Variants in RPAP3 observed in about 807,000 individuals in gnomAD.
The protein encoded by RPAP3 is RNA polymerase II-associated protein 3.
A neutral mutation model predicts 88.8 loss-of-function variants in RPAP3; 58 were observed. The ratio of observed to expected loss-of-function variants is 0.65; its 90% CI spans 0.53 to 0.81. RPAP3 has a LOEUF of 0.81. Among genes scored for constraint, RPAP3 ranks in the 40% least tolerant of loss-of-function variants. RPAP3 has a pLI of 0.00. For missense variants in RPAP3, 751 were observed against 764.3 expected (o/e 0.98, Z 0.20); for synonymous variants, 255 against 259.9 (o/e 0.98, Z 0.18).
chr12:47,702,787 T>C lies in RPAP3; in HGVS notation c.54A>G (p.Ala18=), dbSNP rs771209543. 3 of 1,613,318 alleles carry C rather than the reference T, an allele frequency of 1.9e-6. No individual in the cohort carries two copies. Among genetic ancestry groups the C allele is most frequent in the South Asian group, 2.2e-5 (2 of 90,928 alleles). ...CCCGCATAAAGTCTTGTAATTCTTC[T>C]GCATTTTGTTTCACTTGTAGTTGTA... The part of the protein sequence containing the change: ...IELQLQVKQN[A]EELQDFMRDL... The change falls in exon 2 of 17, where the codon GCA becomes GCG. Residue 18 remains alanine, a synonymous_variant. Transcript: ENST00000005386.
intron 3 of RPAP3, chr12:47,699,587 TTGACAG>T (rs1939614734): frequency 6.6e-6 from 1 of 152,230 alleles, no homozygotes; most frequent in Non-Finnish European, 1.5e-5. Flanking sequence ...GGAAAACTGT[TTGACAG>T]TATTTTCTAA....
At chr12:47,701,852 C>A (rs1220351605) in intron 2 of RPAP3, among the ~76,000 whole-genome samples, 1 of 152,136 alleles carries the variant, frequency 6.6e-6, no homozygotes, top group African/African-American at 2.4e-5. Flanking sequence ...CTAATTATAC[C>A]TTTAATTTGC....
chr12:47,701,615 A>T lies in RPAP3; in HGVS notation c.154-11T>A. The stretch of plus-strand genomic sequence containing the variant: ...AATAGGAGGTAAATTCTAAGGAGGG[A>T]AAAAAAAACACAAAGTTGTGAGTAT... On this transcript the variant is annotated splice_polypyrimidine_tract_variant and intron_variant, in intron 2 of 16. Coordinates refer to ENST00000005386, the MANE Select transcript of RPAP3 (RefSeq NM_024604.3). The T allele has an allele frequency of 6.5e-7, 1 of 1,537,598 alleles. No individual in the cohort carries two copies. Among genetic ancestry groups the T allele is most frequent in the Non-Finnish European group, 8.7e-7 (1 of 1,143,614 alleles).
At chr12:47,704,152 A>G (rs1197755892) in intron 1 of RPAP3, among the ~76,000 whole-genome samples, 1 of 152,182 alleles carries the variant, frequency 6.6e-6, no homozygotes, top group African/African-American at 2.4e-5. Context: ...CATTGTGACA[A>G]CTGGGGAATG....
At chr12:47,691,534 C>T (rs994787644) in intron 5 of RPAP3, among the ~76,000 whole-genome samples, 3 of 152,154 alleles carry the variant, frequency 2.0e-5, no homozygotes, top group Admixed American at 1.3e-4. Context: ...TCCAGATCCA[C>T]TAGAGGAATC....
chr12:47,684,810 T>C (rs1043876726), intron 9 of RPAP3, among the ~76,000 whole-genome samples: 2 of 152,150 alleles, frequency 1.3e-5, no homozygotes, highest in African/African-American at 4.8e-5. Flanking sequence ...AAAATCAAAA[T>C]TTTCATAAGT....
At chr12:47,672,341 C>T (rs1939016098) in intron 12 of RPAP3, among the ~76,000 whole-genome samples, 1 of 152,196 alleles carries the variant, frequency 6.6e-6, no homozygotes, top group African/African-American at 2.4e-5. Context: ...CGTAGTCTTC[C>T]TTTCTTTCCT....
rs771417626 is a variant in RPAP3, at chr12:47,670,170, G to T, written c.1463C>A (p.Thr488Lys). The T allele has an allele frequency of 6.2e-6, 10 of 1,613,834 alleles. No homozygotes were observed. The highest frequency in any genetic ancestry group is 7.6e-6 in the Non-Finnish European group (9 of 1,179,890). Residue 488 changes from threonine (T) to lysine (K), a missense_variant, in exon 13 of 17, where the codon ACA becomes AAA. Transcript: ENST00000005386. The stretch of plus-strand genomic sequence containing the variant: ...TACTTTTGCTCTTGGAGTATCACTT[G>T]TGGGAAAAAGGTCATCTTGGCTTGA... ...KNSSQDDLFP[T>K]SDTPRAKVLK... is the part of the protein sequence containing the mutation.
chr12:47,668,461 T>A (rs1329432886), intron 14 of RPAP3, among the ~76,000 whole-genome samples: 1 of 152,190 alleles, frequency 6.6e-6, no homozygotes, highest in Non-Finnish European at 1.5e-5. Flanking sequence ...TGGAAGTAAT[T>A]TTATATTGCA....
At chr12:47,689,246 AAACATGT>A (rs761449056) in intron 6 of RPAP3, 51 bp from the exon 7 acceptor site, 1 of 725,716 alleles carries the variant, frequency 1.4e-6, no homozygotes, top group East Asian at 2.8e-5. Flanking sequence ...TAATATTTTA[AAACATGT>A]ACAAAACAAT....
chr12:47,674,562 T>C, intron 12 of RPAP3, among the ~76,000 whole-genome samples: 1 of 152,244 alleles, frequency 6.6e-6, no homozygotes, highest in East Asian at 1.9e-4. Flanking sequence ...AAATGACTGA[T>C]GGAACTGAAA....
chr12:47,667,084 A>C lies in RPAP3; in HGVS notation c.1812-4T>G, dbSNP rs1192445720. The stretch of plus-strand genomic sequence containing the variant: ...GATGAGTAATGGCTTTTCTTTCCTG[A>C]AATAATCCAAATATAGAAACAAATG... On this transcript the variant is annotated splice_region_variant and splice_polypyrimidine_tract_variant and intron_variant, in intron 15 of 16. Transcript: ENST00000005386. 23 of 1,280,146 alleles carry C rather than the reference A, an allele frequency of 1.8e-5. No individual in the cohort carries two copies. The highest frequency in any genetic ancestry group is 2.2e-5 in the Non-Finnish European group (21 of 947,606). 79.3% of individuals were successfully genotyped at this position (1,280,146 alleles called of 1,614,324 possible).
chr12:47,694,315 G>A (rs540740884), intron 5 of RPAP3, among the ~76,000 whole-genome samples: 106 of 152,270 alleles, frequency 7.0e-4, no homozygotes, highest in African/African-American at 2.4e-3. Flanking sequence ...GCAGATCCAC[G>A]GGGGAAAGTA....
intron 12 of RPAP3, among the ~76,000 whole-genome samples, chr12:47,675,836 C>T (rs933319975): frequency 5.9e-5 from 9 of 152,148 alleles, no homozygotes; most frequent in East Asian, 5.8e-4. Flanking sequence ...GACAGATCAA[C>T]GAGACAGAAG....
intron 10 of RPAP3, among the ~76,000 whole-genome samples, chr12:47,681,412 C>A (rs1397166834): frequency 6.6e-6 from 1 of 152,146 alleles, no homozygotes; most frequent in African/African-American, 2.4e-5. Flanking sequence ...GTCTTTTTAT[C>A]GTTTTCCATT....
At position 47,697,128 on chromosome 12, in the gene RPAP3, G is replaced by C. The variant is rs371537172; in HGVS notation, c.417+469C>G. The stretch of plus-strand genomic sequence containing the variant: ...AATATAGCTGGTTTTATAATAATGA[G>C]GCATCCCTCAGGGAGATACTGAACA... On this transcript the variant is annotated intron_variant, in intron 4 of 16. Coordinates refer to ENST00000005386, the MANE Select transcript of RPAP3 (RefSeq NM_024604.3). Among the ~76,000 whole-genome samples, 137 of 152,270 alleles carry C rather than the reference G, an allele frequency of 9.0e-4. No homozygotes were observed. In the South Asian group the frequency reaches 0.027, roughly 30 times the overall value.
intron 5 of RPAP3, among the ~76,000 whole-genome samples, chr12:47,693,211 C>T (rs1417452233): frequency 1.3e-5 from 2 of 151,988 alleles, no homozygotes; most frequent in Non-Finnish European, 2.9e-5. Context: ...GGCCTAATTT[C>T]AATACTGTTG....
In RPAP3 at chr12:47,686,904, T is replaced by TC; in HGVS notation, c.867dup (p.Asn290GlufsTer10). On this transcript the variant is annotated frameshift_variant, in exon 9 of 17. Transcript: ENST00000005386. LOFTEE classifies it high-confidence loss of function. The stretch of plus-strand genomic sequence containing the variant: ...TATTTCCCCTCTTTGAAAAATCCAT[T>TC]CCCCTGTTATTTTGTAGAGAGATAT... 1 of 1,582,316 alleles carries TC rather than the reference T, an allele frequency of 6.3e-7. No homozygotes were observed. The highest frequency in any genetic ancestry group is 8.6e-7 in the Non-Finnish European group (1 of 1,162,404).
At chr12:47,666,799 C>G (rs1938882920) in intron 16 of RPAP3, among the ~76,000 whole-genome samples, 181 bp downstream of exon 16, 1 of 152,132 alleles carries the variant, frequency 6.6e-6, no homozygotes, top group Admixed American at 6.5e-5. Context: ...ACAATTTTAA[C>G]TGTTCTTGTT....
Sources: allele counts gnomAD v4.1 joint callset (sites outside exome capture counted in the v4.1 genomes callset), GRCh38; gene constraint gnomAD v4.1.1; transcripts MANE v1.5; gene names NCBI Gene and HGNC (gene_info 2026-07-23, HGNC 2026-07-21).